The following RHBDF2 variants were observed in gnomAD, a reference collection of about 807,000 sequenced individuals.
The protein encoded by RHBDF2 is rhomboid 5 homolog 2.
In RHBDF2, 38 loss-of-function variants were observed where a neutral mutation model predicts 95.2. The ratio of observed to expected loss-of-function variants is 0.40; its 90% confidence interval spans 0.31 to 0.52. RHBDF2 has a LOEUF of 0.52. Among genes scored for constraint, RHBDF2 ranks in the 20% least tolerant of loss-of-function variants. The probability of loss-of-function intolerance (pLI) is 0.56; values close to 1 mark genes in which losing one functional copy is unlikely to be tolerated. For missense variants in RHBDF2, 863 were observed against 1,137.7 expected (o/e 0.76, Z 3.47); for synonymous variants, 442 against 462.0 (o/e 0.96, Z 0.55).
intron 6 of RHBDF2, 113 bp downstream of exon 6, chr17:76,478,693 C>T (rs535217654): frequency 1.0e-4 from 94 of 909,744 alleles, no homozygotes; most frequent in South Asian, 2.7e-4. Flanking sequence ...TCCTTGGCAC[C>T]GTAGGCAGAT....
In RHBDF2 at chr17:76,498,789, A is replaced by AGAGTGTGTGTGTGT. The variant is rs1206209503; in HGVS notation, c.-220+2563_-220+2564insACACACACACACTC. Among the ~76,000 whole-genome samples, 19 of 143,662 alleles carry AGAGTGTGTGTGTGT rather than the reference A, an allele frequency of 1.3e-4. No individual in the cohort carries two copies. The East Asian group carries it at 1.7e-3, about 13-fold the overall frequency. 94.2% of individuals were successfully genotyped at this position (143,662 alleles called of 152,430 possible). Reference sequence around the variant, plus strand: ...CCCCTCCTGGGCTGGAGAGAAAGAGAGTGTGTGTGTGTGTGTGTGTGTGTG... The same window carrying AGAGTGTGTGTGTGT: ...CCCCTCCTGGGCTGGAGAGAAAGAGAGAGTGTGTGTGTGTGTGTGTGTGTGTGTGTGTGTGTGTG... On this transcript the variant is annotated intron_variant, in intron 1 of 18. Coordinates refer to ENST00000675367, the MANE Select transcript of RHBDF2 (RefSeq NM_001005498.4).
At chr17:76,485,902 C>T (rs150170085) in intron 2 of RHBDF2, among the ~76,000 whole-genome samples, 43 of 151,904 alleles carry the variant, frequency 2.8e-4, no homozygotes, top group African/African-American at 8.7e-4. Flanking sequence ...TATGAAAGCT[C>T]GGAATAGAAG....
Position 76,479,779 on chromosome 17 carries a change from G to C in RHBDF2, c.226C>G (p.Arg76Gly). The change falls in exon 4 of 19, where the codon CGC (arginine) becomes GGC (glycine). Residue 76 changes from arginine (R) to glycine (G), a missense_variant. Physicochemically the swap from Arg to Gly is moderately radical, Grantham distance 125. Around this residue, in one of 2 missense-constraint regions of RHBDF2, gnomAD observed 611 missense variants for 725.5 expected, o/e 0.84. Transcript: ENST00000675367. The part of the protein sequence containing the change: ...RSRWQESSEK[R>G]PGFRRQASLS... ...GAGGCCTGGCGGCGGAAGCCAGGGCGCTTCTCTGAACTCTCCTGCCATCGG... is the reference window on the plus strand; with the variant it reads ...GAGGCCTGGCGGCGGAAGCCAGGGCCCTTCTCTGAACTCTCCTGCCATCGG... The C allele has an allele frequency of 6.2e-7, 1 of 1,613,180 alleles. No homozygotes were observed.
At chr17:76,497,780 T>C (rs1301908710) in intron 1 of RHBDF2, among the ~76,000 whole-genome samples, 2 of 152,248 alleles carry the variant, frequency 1.3e-5, no homozygotes, top group Non-Finnish European at 2.9e-5. Context: ...CTCATCCTAC[T>C]GAGCACACAC....
At chr17:76,492,329 G>A (rs2074322815) in intron 1 of RHBDF2, among the ~76,000 whole-genome samples, 1 of 152,160 alleles carries the variant, frequency 6.6e-6, no homozygotes, top group Admixed American at 6.5e-5. Context: ...TTTGGAGACA[G>A]CATAACCCAG....
intron 1 of RHBDF2, among the ~76,000 whole-genome samples, chr17:76,488,972 A>G (rs1157035219): frequency 3.3e-5 from 5 of 151,152 alleles, no homozygotes; most frequent in South Asian, 2.1e-4. Context: ...AACCAAAAAC[A>G]ACAAAATAAT....
intron 1 of RHBDF2, among the ~76,000 whole-genome samples, chr17:76,494,794 C>A (rs1035674287): frequency 5.3e-5 from 8 of 152,124 alleles, no homozygotes; most frequent in Non-Finnish European, 1.2e-4. Context: ...CTGATGGAGG[C>A]AGGCAAGTGG....
chr17:76,471,477 G>A lies in RHBDF2; in HGVS notation c.*156C>T. On this transcript the variant is annotated 3_prime_UTR_variant, in exon 19 of 19. Coordinates refer to ENST00000675367, the MANE Select transcript of RHBDF2 (RefSeq NM_001005498.4). Reference sequence around the variant, plus strand: ...GCCTTAACCAACCATCTCACGCGGAGTCAGCCTCGCCTGGCAGGGGGGCAC... The same window carrying A: ...GCCTTAACCAACCATCTCACGCGGAATCAGCCTCGCCTGGCAGGGGGGCAC... 1 of 808,230 alleles carries A rather than the reference G, an allele frequency of 1.2e-6. No homozygotes were observed. Among genetic ancestry groups the A allele is most frequent in the Non-Finnish European group, 1.9e-6 (1 of 523,316 alleles). 50.1% of individuals were successfully genotyped at this position (808,230 alleles called of 1,614,324 possible). A position where few individuals can be genotyped will look rare whatever the true frequency, so the allele number is the denominator to read the frequency against.
chr17:76,480,008 T>A (rs2073901895), intron 3 of RHBDF2, 154 bp from the exon 4 acceptor site: 1 of 47,758 alleles, frequency 2.1e-5, no homozygotes. Context: ...ATATATATAA[T>A]GTGTGTGTGT....
rs781760822 is a variant in RHBDF2, at chr17:76,479,266, T to C, written c.284A>G (p.Gln95Arg). The C allele has an allele frequency of 1.2e-6, 2 of 1,601,114 alleles. No individual in the cohort carries two copies. The highest frequency in any genetic ancestry group is 2.2e-5 in the East Asian group (1 of 44,668). The change falls in exon 5 of 19, where the codon CAG becomes CGG. Residue 95 changes from glutamine (Q) to arginine (R), a missense_variant. Coordinates refer to ENST00000675367, the MANE Select transcript of RHBDF2 (RefSeq NM_001005498.4). ...CCAGTCGCCGCTGACTCCAAACCAC[T>C]GGGCTGCGCCCCTGCGGAAGCAGAC... The part of the protein sequence containing the change: ...LSQSIRKGAA[Q>R]WFGVSGDWEG...
At chr17:76,490,087 G>A (rs1201917598) in intron 1 of RHBDF2, among the ~76,000 whole-genome samples, 1 of 152,244 alleles carries the variant, frequency 6.6e-6, no homozygotes, top group Non-Finnish European at 1.5e-5. Context: ...AGGCTGGGGA[G>A]TAGCCCACGC....
intron 2 of RHBDF2, chr17:76,481,952 A>AACACACACACACACACACACACACAC (rs563875703): frequency 7.7e-6 from 1 of 129,330 alleles, no homozygotes; most frequent in African/African-American, 3.5e-5. Flanking sequence ...TCTGTCTGAA[A>AACACACACACACACACACACACACAC]ACACACACAC....
rs575187651 is a variant in RHBDF2, at chr17:76,472,838, C to T, written c.1912G>A (p.Val638Met). The change falls in exon 18 of 19, where the codon GTG becomes ATG. Residue 638 changes from valine (V) to methionine (M), a missense_variant and splice_region_variant. Coordinates refer to ENST00000675367, the MANE Select transcript of RHBDF2 (RefSeq NM_001005498.4). ...LWLSLFLHAGVVHCLVSVVFQ... is the reference protein window; with the variant it reads ...LWLSLFLHAGMVHCLVSVVFQ... Reference sequence around the variant, plus strand: ...ACCACAGACACGAGGCAGTGCACCACGCTGGGGGAGGGACACACCAGGCAG... The same window carrying T: ...ACCACAGACACGAGGCAGTGCACCATGCTGGGGGAGGGACACACCAGGCAG... The T allele has an allele frequency of 1.7e-5, 27 of 1,588,302 alleles. No homozygotes were observed. Among genetic ancestry groups the T allele is most frequent in the Middle Eastern group, 1.7e-4 (1 of 5,946 alleles).
chr17:76,494,708 C>T (rs1199406984), intron 1 of RHBDF2, among the ~76,000 whole-genome samples: 6 of 152,176 alleles, frequency 3.9e-5, no homozygotes, highest in Non-Finnish European at 7.3e-5. Context: ...GCCGAGATCA[C>T]GCCACTGCAC....
chr17:76,472,394 G>T, intron 18 of RHBDF2: 3 of 577,288 alleles, frequency 5.2e-6, no homozygotes, highest in Non-Finnish European at 9.3e-6. Flanking sequence ...ACGGCGCACG[G>T]AGGCCATTTC....
chr17:76,483,789 G>A (rs562793980), intron 2 of RHBDF2, among the ~76,000 whole-genome samples: 1 of 152,348 alleles, frequency 6.6e-6, no homozygotes, highest in South Asian at 2.1e-4. Context: ...TGGCTGGGTT[G>A]AAGAGTAAGT....
At chr17:76,496,076 C>T (rs552138727) in intron 1 of RHBDF2, among the ~76,000 whole-genome samples, 1 of 152,272 alleles carries the variant, frequency 6.6e-6, no homozygotes, top group East Asian at 1.9e-4. Flanking sequence ...GGGCCACCTA[C>T]CTGCTGGGAG....
intron 1 of RHBDF2, among the ~76,000 whole-genome samples, chr17:76,497,537 C>G (rs2074457134): frequency 1.3e-5 from 2 of 151,822 alleles, no homozygotes; most frequent in Non-Finnish European, 2.9e-5. Flanking sequence ...GGCAGGGCCT[C>G]GGCCATCTCC....
chr17:76,477,306 G>A lies in RHBDF2; in HGVS notation c.802-8C>T. On this transcript the variant is annotated splice_polypyrimidine_tract_variant and splice_region_variant and intron_variant, in intron 7 of 18. Coordinates refer to ENST00000675367, the MANE Select transcript of RHBDF2 (RefSeq NM_001005498.4). ...CATGGAGCTCATTTCTTCCTGGGGT[G>A]GGGGACAAGAAAATACAGTGTAAGG... is the stretch of plus-strand genomic sequence containing the variant. 1 of 1,610,570 alleles carries A rather than the reference G, an allele frequency of 6.2e-7. No individual in the cohort carries two copies. Among genetic ancestry groups the A allele is most frequent in the East Asian group, 2.2e-5 (1 of 44,838 alleles).
Sources: gnomAD v4.1 joint callset for allele counts (sites outside exome capture counted in the v4.1 genomes callset) on GRCh38, gnomAD v4.1.1 for gene constraint, gnomAD v4.1.1 regional missense constraint, MANE v1.5 for transcripts, NCBI Gene and HGNC (gene_info 2026-07-23, HGNC 2026-07-21) for gene names.